The following TIMP3 variants were observed in gnomAD, a reference collection of about 807,000 sequenced individuals.
TIMP3 encodes metalloproteinase inhibitor 3.
In TIMP3, 11 loss-of-function variants were observed where a neutral mutation model predicts 30.0. That is an observed-to-expected ratio of 0.37 (90% CI 0.23 to 0.61). The LOEUF (loss-of-function observed/expected upper bound fraction) is 0.61. Ranked by LOEUF, TIMP3 falls within the 20% of genes least tolerant of loss-of-function variation. TIMP3 has a pLI of 0.70. For missense variants in TIMP3, 181 were observed against 276.8 expected (o/e 0.65, Z 2.45); for synonymous variants, 112 against 111.3 (o/e 1.01, Z -0.04).
chr22:32,850,882 T>C (rs1029719438), intron 2 of TIMP3, among the ~76,000 whole-genome samples: 1 of 152,174 alleles, frequency 6.6e-6, no homozygotes, highest in African/African-American at 2.4e-5. Flanking sequence ...CCCACGGTGG[T>C]ACCCAACCAT....
intron 1 of TIMP3, among the ~76,000 whole-genome samples, chr22:32,809,952 T>C (rs1017448271): frequency 6.6e-6 from 1 of 152,232 alleles, no homozygotes; most frequent in African/African-American, 2.4e-5. Flanking sequence ...TTCTCCCTGT[T>C]ACCCACAGTG....
rs1214730338 is a variant in TIMP3, at chr22:32,861,734, GA to G, written c.*2358del. 1.3e-5 allele frequency: 2 copies of G among 152,454 alleles called. No homozygotes were observed. The highest frequency in any genetic ancestry group is 2.9e-5 in the Non-Finnish European group (2 of 68,012). The allele number at this position is 152,454 out of a possible 1,614,324, so 9.4% of individuals were successfully genotyped here. On this transcript the variant is annotated 3_prime_UTR_variant, in exon 5 of 5. Transcript: ENST00000266085. Reference sequence around the variant, plus strand: ...GGCAAAGAAGGGTCTTTCGCAAAGCGATGTCAGAGGGCGGTTTTGAGCTTTC... The same window carrying G: ...GGCAAAGAAGGGTCTTTCGCAAAGCGTGTCAGAGGGCGGTTTTGAGCTTTC...
chr22:32,819,745 C>T (rs906005882), intron 1 of TIMP3, among the ~76,000 whole-genome samples: 1 of 152,174 alleles, frequency 6.6e-6, no homozygotes, highest in African/African-American at 2.4e-5. Context: ...GTTCAAAAAA[C>T]AGAAGAGGAG....
chr22:32,856,907 T>C (rs2048384827), intron 2 of TIMP3, among the ~76,000 whole-genome samples: 1 of 152,194 alleles, frequency 6.6e-6, no homozygotes, highest in African/African-American at 2.4e-5. Context: ...GAGAACATGG[T>C]GTATTTGTCT....
chr22:32,802,970 T>C (rs2046629480), intron 1 of TIMP3, among the ~76,000 whole-genome samples: 1 of 152,116 alleles, frequency 6.6e-6, no homozygotes, highest in Non-Finnish European at 1.5e-5. Flanking sequence ...AGAGAGACCC[T>C]GTAAAGAGAC....
At chr22:32,847,283 C>T (rs548106165) in intron 1 of TIMP3, among the ~76,000 whole-genome samples, 23 of 152,142 alleles carry the variant, frequency 1.5e-4, no homozygotes, top group African/African-American at 3.9e-4. Context: ...GGCTTGTCGC[C>T]GAGAATACTA....
At chr22:32,842,770 A>C (rs1367547497) in intron 1 of TIMP3, among the ~76,000 whole-genome samples, 1 of 152,210 alleles carries the variant, frequency 6.6e-6, no homozygotes, top group African/African-American at 2.4e-5. Context: ...CGGGGAGCAC[A>C]AAGGTCTAAA....
rs139508434 is a variant in TIMP3 at position 32,809,350 on chromosome 22, G to T, written c.121+7228G>T. Among the ~76,000 whole-genome samples the T allele has an allele frequency of 8.5e-4, 130 of 152,290 alleles. 1 individual carries two copies. In the East Asian group the frequency reaches 0.023, roughly 27 times the overall value. ...CCACATGAGTCTTTGGCTCCCCACT[G>T]TTGGGGTCCCCGTCAGTCTGCTTAT... On this transcript the variant is annotated intron_variant, in intron 1 of 4. Coordinates refer to ENST00000266085, the MANE Select transcript of TIMP3 (RefSeq NM_000362.5).
chr22:32,813,956 ATT>A (rs2046985737), intron 1 of TIMP3, among the ~76,000 whole-genome samples: 1 of 152,124 alleles, frequency 6.6e-6, no homozygotes, highest in Admixed American at 6.5e-5. Flanking sequence ...CCATCATATT[ATT>A]ACTACATGGT....
chr22:32,826,937 AT>A (rs1241524770), intron 1 of TIMP3, among the ~76,000 whole-genome samples: 1 of 152,144 alleles, frequency 6.6e-6, no homozygotes, highest in Non-Finnish European at 1.5e-5. Flanking sequence ...CAGAGACAGG[AT>A]TTGAATCCAA....
At chr22:32,828,761 C>G (rs371939994) in intron 1 of TIMP3, among the ~76,000 whole-genome samples, 1 of 152,190 alleles carries the variant, frequency 6.6e-6, no homozygotes, top group South Asian at 2.1e-4. Context: ...CTTTCCTTCC[C>G]TGTGTTTGCC....
intron 1 of TIMP3, among the ~76,000 whole-genome samples, chr22:32,813,975 G>A (rs1783075117): frequency 6.6e-6 from 1 of 152,020 alleles, no homozygotes; most frequent in Admixed American, 6.6e-5. Flanking sequence ...TGGTATTACT[G>A]CCTCCCCTTA....
At chr22:32,853,317 G>A (rs747492019) in intron 2 of TIMP3, among the ~76,000 whole-genome samples, 9 of 152,158 alleles carry the variant, frequency 5.9e-5, no homozygotes, top group Non-Finnish European at 1.2e-4. Context: ...GTGATAGCTC[G>A]GTCGGTCTGT....
Position 32,841,136 on chromosome 22 carries a change from T to C in TIMP3, c.122-8316T>C, listed in dbSNP as rs536244206. On this transcript the variant is annotated intron_variant, in intron 1 of 4. Transcript: ENST00000266085. ...ACAAGAAATCACACGTAGCTTCCCA[T>C]ATTCAGCAAATACATATGAGGTGCC... 2.2e-3 allele frequency among the ~76,000 whole-genome samples: 334 copies of C among 152,362 alleles called. 1 individual carries two copies. Among genetic ancestry groups the C allele is most frequent in the African/African-American group, 7.7e-3 (321 of 41,582 alleles).
chr22:32,808,539 C>T (rs1220869864), intron 1 of TIMP3, among the ~76,000 whole-genome samples: 1 of 152,170 alleles, frequency 6.6e-6, no homozygotes, highest in Non-Finnish European at 1.5e-5. Context: ...GATAAAGTAT[C>T]ATCAAATGGC....
intron 1 of TIMP3, among the ~76,000 whole-genome samples, chr22:32,844,724 T>C (rs959904863): frequency 2.2e-4 from 33 of 151,852 alleles, no homozygotes; most frequent in Middle Eastern, 3.4e-3. Flanking sequence ...TTTTTTTTTT[T>C]GCTGAGACAG....
chr22:32,842,275 T>C (rs1445078623), intron 1 of TIMP3, among the ~76,000 whole-genome samples: 1 of 152,124 alleles, frequency 6.6e-6, no homozygotes, highest in Non-Finnish European at 1.5e-5. Flanking sequence ...TCAGGAGGGT[T>C]TTTTTGGGAG....
intron 1 of TIMP3, among the ~76,000 whole-genome samples, chr22:32,836,182 GA>G (rs1407326926): frequency 2.0e-5 from 3 of 152,324 alleles, no homozygotes; most frequent in African/African-American, 7.2e-5. Flanking sequence ...ATGGTTTTAA[GA>G]GTAAGATGTA....
intron 1 of TIMP3, 28 bp downstream of exon 1, chr22:32,802,150 C>A: frequency 6.4e-7 from 1 of 1,568,930 alleles, no homozygotes; most frequent in African/African-American, 1.3e-5. Flanking sequence ...CCCGCCCGAG[C>A]CCCACGCTGC....
Sources: gnomAD v4.1 joint callset for allele counts (sites outside exome capture counted in the v4.1 genomes callset) on GRCh38, gnomAD v4.1.1 for gene constraint, MANE v1.5 for transcripts, NCBI Gene and HGNC (gene_info 2026-07-23, HGNC 2026-07-21) for gene names.